C21orf91: variants seen among roughly 807,000 people sequenced by gnomAD.
The protein encoded by C21orf91 is chromosome 21 open reading frame 91, also known as protein EURL homolog.
In C21orf91, 26 loss-of-function variants were observed where a neutral mutation model predicts 32.9. The ratio of observed to expected loss-of-function variants is 0.79; its 90% CI spans 0.58 to 1.10. The LOEUF (loss-of-function observed/expected upper bound fraction) is 1.10, where lower values mean the gene tolerates loss of function less well. Among genes scored for constraint, C21orf91 ranks in the 50% least tolerant of loss-of-function variants. C21orf91 has a pLI of 0.00. For synonymous variants in C21orf91, 126 were observed against 120.4 expected (o/e 1.05, Z -0.31); for missense variants, 310 against 341.3 (o/e 0.91, Z 0.72).
At chr21:17,801,056 AC>A (rs1214221631) in intron 2 of C21orf91, among the ~76,000 whole-genome samples, 2 of 152,160 alleles carry the variant, frequency 1.3e-5, no homozygotes, top group African/African-American at 4.8e-5. Flanking sequence ...CTGGGTATAT[AC>A]CCAAAGGATT....
intron 2 of C21orf91, among the ~76,000 whole-genome samples, chr21:17,815,574 C>A (rs1193340074): frequency 6.6e-6 from 1 of 152,008 alleles, no homozygotes; most frequent in Non-Finnish European, 1.5e-5. Context: ...ACTTTTTTCC[C>A]CCACTGATTT....
rs1472749492 is a variant in C21orf91, at chr21:17,792,017, G to C, written c.*1398C>G. The C allele has an allele frequency of 1.3e-5, 2 of 152,088 alleles. No individual in the cohort carries two copies. Among genetic ancestry groups the C allele is most frequent in the South Asian group, 2.1e-4 (1 of 4,834 alleles). 9.4% of individuals were successfully genotyped at this position (152,088 alleles called of 1,614,324 possible). On this transcript the variant is annotated 3_prime_UTR_variant, in exon 5 of 5. Transcript: ENST00000284881. Reference sequence around the variant, plus strand: ...AGCCAGGGTAGGCTGCCAAATTTAAGGCAAATGTCATTTATATCTTTATGC... The same window carrying C: ...AGCCAGGGTAGGCTGCCAAATTTAACGCAAATGTCATTTATATCTTTATGC...
At chr21:17,815,305 G>A (rs551432980) in intron 2 of C21orf91, among the ~76,000 whole-genome samples, 3 of 152,090 alleles carry the variant, frequency 2.0e-5, no homozygotes, top group African/African-American at 2.4e-5. Context: ...GCCTCTTCTC[G>A]GAGAAGAGTG....
At position 17,795,188 on chromosome 21, in the gene C21orf91, G is replaced by C; in HGVS notation, c.727+20C>G. 1 of 1,558,542 alleles carries C rather than the reference G, an allele frequency of 6.4e-7. No homozygotes were observed. Among genetic ancestry groups the C allele is most frequent in the Admixed American group, 1.7e-5 (1 of 59,910 alleles). On this transcript the variant is annotated intron_variant, in intron 4 of 4. Transcript: ENST00000284881. ...GTCAAAATTTGTCACACACAAAAAA[G>C]TACTGACAGTGATTCTTACCCTGGA...
intron 4 of C21orf91, among the ~76,000 whole-genome samples, chr21:17,794,623 T>C (rs1413225748): frequency 6.6e-6 from 1 of 152,220 alleles, no homozygotes; most frequent in Non-Finnish European, 1.5e-5. Context: ...TACTTTTATA[T>C]ATGTTTGAAA....
chr21:17,788,996 T>C lies in C21orf91; in HGVS notation c.*4419A>G, dbSNP rs943745913. On this transcript the variant is annotated 3_prime_UTR_variant, in exon 5 of 5. Coordinates refer to ENST00000284881, the MANE Select transcript of C21orf91 (RefSeq NM_001100420.2). ...AGATAACAAAATACTTATTTTATTG[T>C]TGTAAAATTAAAAATAGTAGACAAG... 1 of 152,164 alleles carries C rather than the reference T, an allele frequency of 6.6e-6. No individual in the cohort carries two copies. The highest frequency in any genetic ancestry group is 2.4e-5 in the African/African-American group (1 of 41,410). The allele number at this position is 152,164 out of a possible 1,614,324, so 9.4% of individuals were successfully genotyped here. A position where few individuals can be genotyped will look rare whatever the true frequency, so the allele number is the denominator to read the frequency against.
intron 1 of C21orf91, among the ~76,000 whole-genome samples, 172 bp from the exon 2 acceptor site, chr21:17,818,497 G>C (rs931934023): frequency 6.6e-6 from 1 of 152,168 alleles, no homozygotes; most frequent in Non-Finnish European, 1.5e-5. Flanking sequence ...TTTTCCTGTG[G>C]AAAGACACAA....
rs1053039286 is a variant in C21orf91 at position 17,791,062 on chromosome 21, G to T, written c.*2353C>A. 1 of 140,098 alleles carries T rather than the reference G, an allele frequency of 7.1e-6. No individual in the cohort carries two copies. The highest frequency in any genetic ancestry group is 1.6e-5 in the Non-Finnish European group (1 of 60,978). The allele number at this position is 140,098 out of a possible 1,614,324, so 8.7% of individuals were successfully genotyped here. ...GAAAACAATATTTGTGATATTTCAT[G>T]TTCTCTTGTTAGAACTCAACTCTGT... On this transcript the variant is annotated 3_prime_UTR_variant, in exon 5 of 5. Coordinates refer to ENST00000284881, the MANE Select transcript of C21orf91 (RefSeq NM_001100420.2).
chr21:17,795,345 T>C (rs753340663), intron 3 of C21orf91, 75 bp from the exon 4 acceptor site: 1 of 976,976 alleles, frequency 1.0e-6, no homozygotes, highest in Non-Finnish European at 1.6e-6. Context: ...CAACACAATA[T>C]CCTATTTTTA....
chr21:17,789,387 AG>A lies in C21orf91; in HGVS notation c.*4027del, dbSNP rs2062455075. The A allele has an allele frequency of 6.6e-6, 1 of 152,168 alleles. No individual in the cohort carries two copies. Among genetic ancestry groups the A allele is most frequent in the Admixed American group, 6.5e-5 (1 of 15,280 alleles). The allele number at this position is 152,168 out of a possible 1,614,324, so 9.4% of individuals were successfully genotyped here. A position where few individuals can be genotyped will look rare whatever the true frequency, so the allele number is the denominator to read the frequency against. ...ATTCTAGATGCGTCTGAAAGAAACA[AG>A]GTACACACACTTACTAAAATTCCCC... is the stretch of plus-strand genomic sequence containing the variant. On this transcript the variant is annotated 3_prime_UTR_variant, in exon 5 of 5. Transcript: ENST00000284881.
chr21:17,806,189 T>C (rs1445313780), intron 2 of C21orf91, among the ~76,000 whole-genome samples: 1 of 152,148 alleles, frequency 6.6e-6, no homozygotes, highest in Admixed American at 6.5e-5. Flanking sequence ...TGATCTATGT[T>C]CTTACAAACA....
At chr21:17,816,422 G>C (rs975210491) in intron 2 of C21orf91, among the ~76,000 whole-genome samples, 4 of 152,182 alleles carry the variant, frequency 2.6e-5, no homozygotes, top group African/African-American at 7.2e-5. Context: ...TGATTTGCCA[G>C]CAAACACTGG....
chr21:17,815,610 A>T (rs2062660396), intron 2 of C21orf91, among the ~76,000 whole-genome samples: 1 of 152,190 alleles, frequency 6.6e-6, no homozygotes, highest in Non-Finnish European at 1.5e-5. Flanking sequence ...CTGATATAAA[A>T]ACTAAAATTT....
intron 2 of C21orf91, among the ~76,000 whole-genome samples, chr21:17,802,536 T>C (rs1001493931): frequency 6.6e-6 from 1 of 152,222 alleles, no homozygotes; most frequent in Non-Finnish European, 1.5e-5. Flanking sequence ...AATTCACCAA[T>C]TGTAGGAACA....
At position 17,815,657 on chromosome 21, in the gene C21orf91, T is replaced by G. The variant is rs561450884; in HGVS notation, c.127+2535A>C. Among the ~76,000 whole-genome samples, 120 of 152,048 alleles carry G rather than the reference T, an allele frequency of 7.9e-4. 1 individual carries two copies. The highest frequency in any genetic ancestry group is 2.3e-3 in the African/African-American group (96 of 41,338). On this transcript the variant is annotated intron_variant, in intron 2 of 4. Transcript: ENST00000284881. Reference sequence around the variant, plus strand: ...AGATCCTCATTTCCCTCCTCTTTTCTAAAATAATTTTTTTTTTTTTGAGAC... The same window carrying G: ...AGATCCTCATTTCCCTCCTCTTTTCGAAAATAATTTTTTTTTTTTTGAGAC...
In C21orf91 at chr21:17,808,667, A is replaced by C. The variant is rs553126841; in HGVS notation, c.127+9525T>G. ...TGTTTTTTAGAGGCTTATAGACAGA[A>C]AGGACTTGCTGTCTCTCAGATGAGA... is the stretch of plus-strand genomic sequence containing the variant. On this transcript the variant is annotated intron_variant, in intron 2 of 4. Coordinates refer to ENST00000284881, the MANE Select transcript of C21orf91 (RefSeq NM_001100420.2). Among the ~76,000 whole-genome samples, 3 of 152,320 alleles carry C rather than the reference A, an allele frequency of 2.0e-5. No homozygotes were observed. The South Asian group carries it at 6.2e-4, about 32-fold the overall frequency.
chr21:17,794,717 T>C (rs1485265548), intron 4 of C21orf91, among the ~76,000 whole-genome samples: 1 of 152,124 alleles, frequency 6.6e-6, no homozygotes, highest in Non-Finnish European at 1.5e-5. Context: ...CCTGGTGCAA[T>C]AGTGGGTAGT....
Position 17,812,824 on chromosome 21 carries a change from A to AC in C21orf91, c.127+5367_127+5368insG, listed in dbSNP as rs1194362889. On this transcript the variant is annotated intron_variant, in intron 2 of 4. Transcript: ENST00000284881. ...ACTCCATCTTGGAAAAAAACAAAAA[A>AC]AAACAAACAAAAAAAATCCACTTTT... 4.0e-5 allele frequency among the ~76,000 whole-genome samples: 6 copies of AC among 151,806 alleles called. No individual in the cohort carries two copies. In the East Asian group the frequency reaches 5.8e-4, roughly 15 times the overall value.
chr21:17,795,058 T>C (rs2062507606), intron 4 of C21orf91, 150 bp downstream of exon 4: 1 of 654,120 alleles, frequency 1.5e-6, no homozygotes, highest in South Asian at 1.7e-5. Flanking sequence ...AAGTTGTTTC[T>C]TTCTTATTCT....
Sources: allele counts gnomAD v4.1 joint callset (sites outside exome capture counted in the v4.1 genomes callset), GRCh38; gene constraint gnomAD v4.1.1; transcripts MANE v1.5; gene names NCBI Gene and HGNC (gene_info 2026-07-23, HGNC 2026-07-21).